Variants in ATOSA observed in about 807,000 individuals in gnomAD.
The protein encoded by ATOSA is atos homolog protein A.
At chr15:52,639,408 G>C in the ATOSA span, among the ~76,000 whole-genome samples, 1 of 152,174 alleles carries the variant, frequency 6.6e-6, no homozygotes, top group South Asian at 2.1e-4. Context: ...CCCTGGACTA[G>C]ACTACTGAAT....
the ATOSA span, among the ~76,000 whole-genome samples, chr15:52,614,813 A>G: frequency 8.6e-5 from 13 of 151,848 alleles, no homozygotes; most frequent in African/African-American, 2.9e-4. Context: ...ACCCCATTGC[A>G]CTCCAGCCTG....
the ATOSA span, among the ~76,000 whole-genome samples, chr15:52,616,596 C>A: frequency 6.6e-6 from 1 of 151,948 alleles, no homozygotes; most frequent in African/African-American, 2.4e-5. Flanking sequence ...AAAGTGTGAC[C>A]CTGTTCCCCA....
the ATOSA span, chr15:52,584,831 A>C: frequency 1.2e-6 from 2 of 1,613,512 alleles, no homozygotes; most frequent in Non-Finnish European, 1.7e-6. Flanking sequence ...CTTGTTTAAC[A>C]GGTACAGAAA....
chr15:52,587,378 C>T, the ATOSA span: 1 of 586,934 alleles, frequency 1.7e-6, no homozygotes. Context: ...TGTTTCTACC[C>T]CTAAGGAAAC....
the ATOSA span, chr15:52,582,273 G>A: frequency 1.6e-5 from 25 of 1,593,856 alleles, 1 homozygote; most frequent in East Asian, 5.5e-4. Context: ...ACGTCTCTAT[G>A]GAGGTAGATC....
At chr15:52,677,000 A>C in the ATOSA span, among the ~76,000 whole-genome samples, 9 of 152,184 alleles carry the variant, frequency 5.9e-5, no homozygotes, top group African/African-American at 1.9e-4. Flanking sequence ...CCAACACCTA[A>C]AACTAATTTA....
At chr15:52,664,292 T>C in the ATOSA span, among the ~76,000 whole-genome samples, 1 of 152,222 alleles carries the variant, frequency 6.6e-6, no homozygotes, top group Non-Finnish European at 1.5e-5. Context: ...GTAAACTTTA[T>C]TATAGTTACA....
chr15:52,672,455 TAAG>T, the ATOSA span, among the ~76,000 whole-genome samples: 80 of 151,904 alleles, frequency 5.3e-4, no homozygotes, highest in Non-Finnish European at 1.3e-4. Flanking sequence ...GTTTACCTAC[TAAG>T]AAGTACTGTT....
the ATOSA span, among the ~76,000 whole-genome samples, chr15:52,673,456 C>G: frequency 6.6e-6 from 1 of 152,214 alleles, no homozygotes; most frequent in Non-Finnish European, 1.5e-5. Context: ...AGTTACCAAA[C>G]TTCTCTATGA....
the ATOSA span, among the ~76,000 whole-genome samples, chr15:52,596,899 G>T: frequency 6.6e-6 from 1 of 152,010 alleles, no homozygotes; most frequent in Non-Finnish European, 1.5e-5. Context: ...CTTCAGACTT[G>T]GAAAAAATAT....
the ATOSA span, among the ~76,000 whole-genome samples, chr15:52,693,740 T>G: frequency 6.6e-6 from 1 of 152,226 alleles, no homozygotes; most frequent in East Asian, 1.9e-4. Flanking sequence ...TATTTTCTAA[T>G]GGAGTTTAAC....
the ATOSA span, chr15:52,652,198 A>G: frequency 8.8e-6 from 6 of 685,338 alleles, no homozygotes; most frequent in East Asian, 3.6e-5. Context: ...TCGTCTTACA[A>G]ACTCAGCTGT....
chr15:52,633,894 A>G, the ATOSA span, among the ~76,000 whole-genome samples: 81 of 152,288 alleles, frequency 5.3e-4, no homozygotes, highest in African/African-American at 1.9e-3. Context: ...TGTGGGATTT[A>G]TAACAGTCTG....
the ATOSA span, among the ~76,000 whole-genome samples, chr15:52,601,430 C>A: frequency 6.6e-6 from 1 of 151,588 alleles, no homozygotes. Flanking sequence ...CAAAACCAAA[C>A]CCTGCATGGA....
the ATOSA span, among the ~76,000 whole-genome samples, chr15:52,592,832 G>T: frequency 2.6e-5 from 4 of 152,174 alleles, no homozygotes; most frequent in Non-Finnish European, 4.4e-5. Context: ...GCGTGAGTCT[G>T]AAGTAGCTAG....
At chr15:52,611,306 G>A in the ATOSA span, 25 of 1,590,828 alleles carry the variant, frequency 1.6e-5, no homozygotes, top group Middle Eastern at 1.0e-3. Context: ...CAAAATGACT[G>A]AATTTTAGAA....
the ATOSA span, among the ~76,000 whole-genome samples, chr15:52,667,268 T>G: frequency 6.6e-6 from 1 of 152,254 alleles, no homozygotes; most frequent in African/African-American, 2.4e-5. Context: ...AGCTGTTCTA[T>G]TTACATGATC....
the ATOSA span, among the ~76,000 whole-genome samples, chr15:52,600,796 T>G: frequency 6.6e-6 from 1 of 151,622 alleles, no homozygotes; most frequent in African/African-American, 2.4e-5. Context: ...CAAGGTTGTT[T>G]TTTTTTTTTC....
the ATOSA span, among the ~76,000 whole-genome samples, chr15:52,679,933 C>T: frequency 1.3e-5 from 2 of 150,988 alleles, no homozygotes; most frequent in Non-Finnish European, 2.9e-5. Context: ...GGGGGGTGGG[C>T]AGCTATGCGG....
Sources: allele counts gnomAD v4.1 joint callset (sites outside exome capture counted in the v4.1 genomes callset), GRCh38; gene constraint gnomAD v4.1.1; transcripts MANE v1.5; gene names NCBI Gene and HGNC (gene_info 2026-07-23, HGNC 2026-07-21).